TMEM178B: variants seen among roughly 807,000 people sequenced by gnomAD.
TMEM178B encodes transmembrane protein 178B.
In TMEM178B, 5 loss-of-function variants were observed where a neutral mutation model predicts 31.0. That is an observed-to-expected ratio of 0.16 (90% CI 0.08 to 0.34). The LOEUF (loss-of-function observed/expected upper bound fraction) is 0.34. TMEM178B is among the 10% of genes least tolerant of loss of function. The pLI is 1.00. For missense variants in TMEM178B, 275 were observed against 400.3 expected, an observed-to-expected ratio of 0.69 and a Z score of 2.67; for synonymous variants, 164 against 164.0, an observed-to-expected ratio of 1.00 and a Z score of 0.00.
intron 2 of TMEM178B, among the ~76,000 whole-genome samples, chr7:141,235,399 G>A (rs141006571): frequency 7.7e-4 from 118 of 152,278 alleles, no homozygotes; most frequent in African/African-American, 2.7e-3. Context: ...ACAGTCAGAT[G>A]TAAATTACTG....
At chr7:141,266,535 G>C (rs913267312) in intron 2 of TMEM178B, among the ~76,000 whole-genome samples, 2 of 152,268 alleles carry the variant, frequency 1.3e-5, no homozygotes, top group East Asian at 1.9e-4. Flanking sequence ...CCTACCTCAG[G>C]AGGAGTAACA....
intron 2 of TMEM178B, among the ~76,000 whole-genome samples, chr7:141,283,768 G>A (rs1057500554): frequency 1.3e-5 from 2 of 151,944 alleles, no homozygotes; most frequent in African/African-American, 2.4e-5. Context: ...TTATTTTTTG[G>A]CAAAAACGTT....
intron 2 of TMEM178B, among the ~76,000 whole-genome samples, chr7:141,365,196 A>G (rs993215037): frequency 6.6e-6 from 1 of 152,210 alleles, no homozygotes; most frequent in Admixed American, 6.5e-5. Flanking sequence ...CCCTCTTTCC[A>G]ACCACATTGC....
chr7:141,130,792 C>G (rs759192616), intron 1 of TMEM178B, among the ~76,000 whole-genome samples: 33 of 152,162 alleles, frequency 2.2e-4, no homozygotes, highest in Non-Finnish European at 4.4e-4. Context: ...ACTAAATGCT[C>G]TATCACCATA....
chr7:141,146,782 A>G (rs1795859296), intron 1 of TMEM178B, among the ~76,000 whole-genome samples: 1 of 151,964 alleles, frequency 6.6e-6, no homozygotes. Context: ...TCTCCCATTT[A>G]CCCATAATCC....
intron 2 of TMEM178B, among the ~76,000 whole-genome samples, chr7:141,341,588 T>G (rs1437320271): frequency 6.6e-6 from 1 of 152,206 alleles, no homozygotes; most frequent in Non-Finnish European, 1.5e-5. Flanking sequence ...GACCATCTTC[T>G]GACTGTTTTT....
At chr7:141,455,701 T>C (rs563939054) in intron 3 of TMEM178B, among the ~76,000 whole-genome samples, 13 of 152,394 alleles carry the variant, frequency 8.5e-5, no homozygotes, top group African/African-American at 3.1e-4. Context: ...TATCATATTA[T>C]AAACATTACA....
intron 3 of TMEM178B, among the ~76,000 whole-genome samples, chr7:141,462,231 A>C (rs1042175003): frequency 2.0e-5 from 3 of 152,182 alleles, no homozygotes; most frequent in African/African-American, 7.2e-5. Flanking sequence ...ATTGCAGGCA[A>C]ACTGGAATGG....
intron 2 of TMEM178B, among the ~76,000 whole-genome samples, chr7:141,275,367 G>T (rs1798249308): frequency 6.6e-6 from 1 of 152,208 alleles, no homozygotes; most frequent in Non-Finnish European, 1.5e-5. Context: ...TTTTATGAAT[G>T]TATACAACGG....
intron 2 of TMEM178B, among the ~76,000 whole-genome samples, chr7:141,354,353 A>G (rs1281286837): frequency 2.0e-5 from 3 of 152,364 alleles, no homozygotes; most frequent in South Asian, 2.1e-4. Flanking sequence ...TGTATTTGGC[A>G]GAAATGTTTC....
chr7:141,284,327 C>G (rs1051024097), intron 2 of TMEM178B, among the ~76,000 whole-genome samples: 4 of 152,130 alleles, frequency 2.6e-5, no homozygotes, highest in Non-Finnish European at 5.9e-5. Context: ...CTTACTGGCT[C>G]TTGATATCAC....
intron 2 of TMEM178B, among the ~76,000 whole-genome samples, chr7:141,279,662 G>C (rs941708006): frequency 6.6e-6 from 1 of 152,226 alleles, no homozygotes; most frequent in Non-Finnish European, 1.5e-5. Flanking sequence ...CTGGGAAGGA[G>C]AGGCTGCCCT....
At chr7:141,384,475 C>T (rs1227790469) in intron 2 of TMEM178B, among the ~76,000 whole-genome samples, 1 of 152,206 alleles carries the variant, frequency 6.6e-6, no homozygotes, top group Non-Finnish European at 1.5e-5. Context: ...AATAGGGAAT[C>T]CTTTCCCCAT....
intron 2 of TMEM178B, among the ~76,000 whole-genome samples, chr7:141,264,047 G>A (rs1055951933): frequency 2.6e-5 from 4 of 152,134 alleles, no homozygotes; most frequent in Non-Finnish European, 5.9e-5. Flanking sequence ...CAGTATACAC[G>A]GAGCATTGCC....
intron 2 of TMEM178B, among the ~76,000 whole-genome samples, chr7:141,251,021 G>A (rs1190832428): frequency 6.6e-6 from 1 of 152,048 alleles, no homozygotes; most frequent in Non-Finnish European, 1.5e-5. Flanking sequence ...TTTCCCTAAA[G>A]GGTCAGCTAT....
chr7:141,301,225 A>T (rs569067743), intron 2 of TMEM178B, among the ~76,000 whole-genome samples: 1 of 152,322 alleles, frequency 6.6e-6, no homozygotes, highest in South Asian at 2.1e-4. Flanking sequence ...CTTTTATGCC[A>T]CTGTCAATAT....
chr7:141,338,781 C>T (rs1250550350), intron 2 of TMEM178B, among the ~76,000 whole-genome samples: 1 of 152,136 alleles, frequency 6.6e-6, no homozygotes, highest in Non-Finnish European at 1.5e-5. Context: ...ATAATTCCAC[C>T]TCTCACTGTC....
intron 2 of TMEM178B, among the ~76,000 whole-genome samples, chr7:141,307,620 G>T (rs1326184808): frequency 2.0e-5 from 3 of 152,350 alleles, no homozygotes; most frequent in Admixed American, 2.0e-4. Flanking sequence ...TGATTGAGGG[G>T]CACTCCCCGT....
chr7:141,144,636 T>A lies in TMEM178B; in HGVS notation c.383-67955T>A, dbSNP rs148588617. Among the ~76,000 whole-genome samples, 43 of 152,220 alleles carry A rather than the reference T, an allele frequency of 2.8e-4. No homozygotes were observed. In the East Asian group the frequency reaches 8.1e-3, roughly 29 times the overall value. ...GAAGTGTTTCTAAAGGATACTGGCTTGCAGAGAGCAGGACTCTAAATTCAG... is the reference window on the plus strand; with the variant it reads ...GAAGTGTTTCTAAAGGATACTGGCTAGCAGAGAGCAGGACTCTAAATTCAG... On this transcript the variant is annotated intron_variant, in intron 1 of 3. Coordinates refer to ENST00000565468, the MANE Select transcript of TMEM178B (RefSeq NM_001195278.2).
Sources: allele counts gnomAD v4.1 joint callset (sites outside exome capture counted in the v4.1 genomes callset), GRCh38; gene constraint gnomAD v4.1.1; transcripts MANE v1.5; gene names NCBI Gene and HGNC (gene_info 2026-07-23, HGNC 2026-07-21).